The following WWOX variants were observed in gnomAD, a reference collection of about 807,000 sequenced individuals.
The protein encoded by WWOX is WW domain containing oxidoreductase.
WWOX carries 69 observed loss-of-function variants against 46.2 expected under a neutral mutation model. That is an observed-to-expected ratio of 1.49 (90% CI 1.23 to 1.82). The LOEUF is 1.82. WWOX is among the 40% of genes most tolerant of loss of function. The probability of loss-of-function intolerance (pLI) is 0.00; values close to 1 mark genes in which losing one functional copy is unlikely to be tolerated. For missense variants in WWOX, 919 were observed against 542.6 expected, an observed-to-expected ratio of 1.69 and a Z score of -6.89; for synonymous variants, 359 against 202.6, an observed-to-expected ratio of 1.77 and a Z score of -6.56.
chr16:78,434,722 G>A (rs908487346), intron 8 of WWOX, among the ~76,000 whole-genome samples: 2 of 152,150 alleles, frequency 1.3e-5, no homozygotes, highest in Admixed American at 6.5e-5. Context: ...TCAGAGGAAC[G>A]GGATGGGAAA....
intron 8 of WWOX, among the ~76,000 whole-genome samples, chr16:79,021,311 G>GATATTGTCTCTACTCTCAAGAA (rs1382838210): frequency 1.7e-4 from 26 of 152,260 alleles, no homozygotes; most frequent in Non-Finnish European, 2.6e-4. Flanking sequence ...AGATTAGCGA[G>GATATTGTCTCTACTCTCAAGAA]ATATTGTCTC....
At chr16:78,555,896 C>T (rs1373307526) in intron 8 of WWOX, among the ~76,000 whole-genome samples, 1 of 152,080 alleles carries the variant, frequency 6.6e-6, no homozygotes, top group Non-Finnish European at 1.5e-5. Flanking sequence ...GTCTCCGATT[C>T]TTAAAAGTGT....
At chr16:78,935,614 G>C (rs1172835952) in intron 8 of WWOX, among the ~76,000 whole-genome samples, 1 of 143,178 alleles carries the variant, frequency 7.0e-6, no homozygotes, top group Non-Finnish European at 1.5e-5. Flanking sequence ...CGTGGGCTGG[G>C]GGGAGGGGAG....
intron 4 of WWOX, among the ~76,000 whole-genome samples, chr16:78,121,046 A>C (rs1316355279): frequency 6.6e-6 from 1 of 151,910 alleles, no homozygotes; most frequent in East Asian, 1.9e-4. Flanking sequence ...ACTTACATTT[A>C]GTCATTTTCA....
In WWOX at chr16:78,432,375, G is replaced by A. The variant is rs192447557; in HGVS notation, c.792-113G>A. The A allele has an allele frequency of 3.3e-5, 47 of 1,426,350 alleles. No homozygotes were observed. In the South Asian group the frequency reaches 4.0e-4, roughly 12 times the overall value. 88.4% of individuals were successfully genotyped at this position (1,426,350 alleles called of 1,614,324 possible). On this transcript the variant is annotated intron_variant, in intron 7 of 8. Coordinates refer to ENST00000566780, the MANE Select transcript of WWOX (RefSeq NM_016373.4). ...CTCGTCTAAGACTCCCAAAGTGCTC[G>A]GATTACAGATGTGAGCCACTGCACC...
chr16:78,946,181 G>A (rs1423112813), intron 8 of WWOX, among the ~76,000 whole-genome samples: 1 of 151,988 alleles, frequency 6.6e-6, no homozygotes, highest in Non-Finnish European at 1.5e-5. Flanking sequence ...CTCTTTCTGT[G>A]TTTGTTGTTT....
chr16:78,822,647 A>G (rs1480388481), intron 8 of WWOX, among the ~76,000 whole-genome samples: 1 of 152,230 alleles, frequency 6.6e-6, no homozygotes, highest in African/African-American at 2.4e-5. Flanking sequence ...TGGGTGGAAT[A>G]TTATTTTGAA....
At chr16:78,586,863 C>T (rs1180891571) in intron 8 of WWOX, among the ~76,000 whole-genome samples, 1 of 152,108 alleles carries the variant, frequency 6.6e-6, no homozygotes, top group Non-Finnish European at 1.5e-5. Flanking sequence ...AAAAATCATG[C>T]CATTATGACT....
intron 8 of WWOX, among the ~76,000 whole-genome samples, chr16:78,536,966 G>A (rs1457472906): frequency 6.7e-6 from 1 of 148,656 alleles, no homozygotes; most frequent in Admixed American, 6.7e-5. Context: ...ACCCAGACTG[G>A]ATTGCAGTGG....
rs75750227 is a variant in WWOX at position 78,257,603 on chromosome 16, C to T, written c.516+93314C>T. Among the ~76,000 whole-genome samples, 128 of 152,252 alleles carry T rather than the reference C, an allele frequency of 8.4e-4. 1 individual carries two copies. The highest frequency in any genetic ancestry group is 2.9e-3 in the African/African-American group (122 of 41,550). ...CTCTCCTCATTCCCCACTGCAACCA[C>T]GCAATTAAAACCAAGGAATGGAATC... On this transcript the variant is annotated intron_variant, in intron 5 of 8. Transcript: ENST00000566780.
chr16:78,524,970 A>T (rs1488752013), intron 8 of WWOX, among the ~76,000 whole-genome samples: 2 of 149,518 alleles, frequency 1.3e-5, no homozygotes, highest in Non-Finnish European at 3.0e-5. Flanking sequence ...GGCTCAAGCA[A>T]TCTTCGTGTT....
chr16:78,961,243 G>A (rs1049308292), intron 8 of WWOX, among the ~76,000 whole-genome samples: 5 of 152,262 alleles, frequency 3.3e-5, no homozygotes, highest in South Asian at 4.1e-4. Context: ...AAAAATGAGG[G>A]AAATTACTGT....
chr16:78,705,668 GTTTA>G (rs913090020), intron 8 of WWOX, among the ~76,000 whole-genome samples: 11 of 152,084 alleles, frequency 7.2e-5, no homozygotes, highest in South Asian at 2.1e-4. Flanking sequence ...ATGTAAAACT[GTTTA>G]TTTAGTTATT....
intron 8 of WWOX, chr16:78,826,009 G>T (rs2051644415): frequency 7.1e-6 from 4 of 562,128 alleles, no homozygotes; most frequent in African/African-American, 1.9e-5. Flanking sequence ...TAGCATAACG[G>T]GCTGTCCTTG....
intron 1 of WWOX, among the ~76,000 whole-genome samples, chr16:78,100,441 CTA>C (rs2031697210): frequency 6.6e-6 from 1 of 152,152 alleles, no homozygotes; most frequent in Non-Finnish European, 1.5e-5. Flanking sequence ...TTTGTAGAGA[CTA>C]GGGTCGCACC....
intron 8 of WWOX, among the ~76,000 whole-genome samples, chr16:78,592,915 C>A (rs540333549): frequency 7.2e-5 from 11 of 152,264 alleles, no homozygotes; most frequent in East Asian, 5.8e-4. Flanking sequence ...CTAACTTCTT[C>A]CCTTTTGAAG....
At chr16:78,774,536 G>GCA (rs2050143149) in intron 8 of WWOX, among the ~76,000 whole-genome samples, 1 of 150,258 alleles carries the variant, frequency 6.7e-6, no homozygotes, top group Non-Finnish European at 1.5e-5. Flanking sequence ...GTGTGTGCGC[G>GCA]TGCGCACACG....
chr16:78,749,229 C>G (rs572491069), intron 8 of WWOX, among the ~76,000 whole-genome samples: 1 of 152,100 alleles, frequency 6.6e-6, no homozygotes, highest in Non-Finnish European at 1.5e-5. Context: ...TGTTTAACCA[C>G]CTACATCATA....
At chr16:78,812,751 C>G (rs1035946720) in intron 8 of WWOX, among the ~76,000 whole-genome samples, 1 of 151,926 alleles carries the variant, frequency 6.6e-6, no homozygotes, top group Non-Finnish European at 1.5e-5. Flanking sequence ...AAAAATCTAT[C>G]CAAAGGCCTT....
Sources: allele counts gnomAD v4.1 joint callset (sites outside exome capture counted in the v4.1 genomes callset), GRCh38; gene constraint gnomAD v4.1.1; transcripts MANE v1.5; gene names NCBI Gene and HGNC (gene_info 2026-07-23, HGNC 2026-07-21).